The following DOCK2 variants were observed in gnomAD, a reference collection of about 807,000 sequenced individuals.
DOCK2 encodes the protein dedicator of cytokinesis protein 2.
In DOCK2, 87 loss-of-function variants were observed where a neutral mutation model predicts 248.9. The ratio of observed to expected loss-of-function variants is 0.35; its 90% CI spans 0.29 to 0.42. DOCK2 has a LOEUF of 0.42. Ranked by LOEUF, DOCK2 falls within the 10% of genes least tolerant of loss-of-function variation. DOCK2 has a pLI of 1.00. For missense variants in DOCK2, 1,747 were observed against 2,300.2 expected (o/e 0.76, Z 4.92); for synonymous variants, 805 against 821.6 (o/e 0.98, Z 0.35).
chr5:169,685,134 A>C (rs1220250675), intron 8 of DOCK2, among the ~76,000 whole-genome samples: 1 of 152,204 alleles, frequency 6.6e-6, no homozygotes, highest in African/African-American at 2.4e-5. Flanking sequence ...GCATAATGCG[A>C]GTGCTGACCT....
intron 26 of DOCK2, among the ~76,000 whole-genome samples, chr5:169,811,253 T>C (rs1368205305): frequency 1.3e-5 from 2 of 152,158 alleles, no homozygotes; most frequent in Non-Finnish European, 2.9e-5. Flanking sequence ...CTGTGGCCAC[T>C]CTGAGCTCTG....
chr5:170,050,455 GC>G, intron 41 of DOCK2, 58 bp downstream of exon 41: 1 of 1,554,528 alleles, frequency 6.4e-7, no homozygotes, highest in Admixed American at 2.1e-5. Flanking sequence ...TGCCAGGGCT[GC>G]AGCCCACAAA....
chr5:169,670,971 T>G, intron 4 of DOCK2, 107 bp from the exon 5 acceptor site: 1 of 841,768 alleles, frequency 1.2e-6, no homozygotes, highest in South Asian at 1.6e-5. Flanking sequence ...TAGTCTAATG[T>G]CAGGAAGGCC....
chr5:169,961,483 T>A (rs184530073), intron 27 of DOCK2, among the ~76,000 whole-genome samples: 1 of 152,334 alleles, frequency 6.6e-6, no homozygotes, highest in East Asian at 1.9e-4. Context: ...GTGTTCATTT[T>A]AAAACTATTG....
At chr5:169,683,583 C>T (rs551410863) in intron 7 of DOCK2, among the ~76,000 whole-genome samples, 7 of 152,292 alleles carry the variant, frequency 4.6e-5, no homozygotes, top group South Asian at 4.1e-4. Context: ...TCTACATCCT[C>T]GTCAACACTT....
At chr5:169,965,022 A>C (rs1581479660) in intron 27 of DOCK2, among the ~76,000 whole-genome samples, 1 of 152,220 alleles carries the variant, frequency 6.6e-6, no homozygotes, top group East Asian at 1.9e-4. Context: ...CTTTTGAATC[A>C]ATTCATTCAA....
intron 29 of DOCK2, among the ~76,000 whole-genome samples, chr5:169,991,401 A>T (rs1778202033): frequency 6.6e-6 from 1 of 152,174 alleles, no homozygotes; most frequent in South Asian, 2.1e-4. Flanking sequence ...CAGCTGACTT[A>T]TCTGTTCCCT....
intron 6 of DOCK2, among the ~76,000 whole-genome samples, chr5:169,678,245 G>A (rs1223632983): frequency 2.0e-5 from 3 of 151,834 alleles, no homozygotes; most frequent in Non-Finnish European, 4.4e-5. Context: ...TTTTCTCAAG[G>A]TTACATCTTC....
intron 36 of DOCK2, among the ~76,000 whole-genome samples, chr5:170,040,322 C>A (rs1366833004): frequency 6.6e-6 from 1 of 152,200 alleles, no homozygotes; most frequent in Non-Finnish European, 1.5e-5. Context: ...TGTTCTCATC[C>A]TCAGTACCCT....
At chr5:169,919,753 TG>T (rs768871409) in intron 27 of DOCK2, among the ~76,000 whole-genome samples, 20 of 152,168 alleles carry the variant, frequency 1.3e-4, no homozygotes, top group Non-Finnish European at 2.5e-4. Flanking sequence ...CCTGCTAATG[TG>T]GGGGCAACTG....
At chr5:169,797,491 C>T (rs760729658) in intron 25 of DOCK2, among the ~76,000 whole-genome samples, 1 of 152,192 alleles carries the variant, frequency 6.6e-6, no homozygotes, top group African/African-American at 2.4e-5. Context: ...TAGCACTGAC[C>T]GCCACATGAC....
intron 27 of DOCK2, among the ~76,000 whole-genome samples, chr5:169,923,029 A>T (rs186318522): frequency 1.7e-4 from 26 of 152,348 alleles, no homozygotes; most frequent in African/African-American, 6.3e-4. Flanking sequence ...TATTTCACAG[A>T]TGTGGAAACT....
chr5:169,733,932 C>T (rs1762909878), intron 22 of DOCK2, among the ~76,000 whole-genome samples: 1 of 152,054 alleles, frequency 6.6e-6, no homozygotes, highest in South Asian at 2.1e-4. Context: ...TATTTAATAC[C>T]AATTCCAAAA....
intron 41 of DOCK2, among the ~76,000 whole-genome samples, chr5:170,050,743 G>A (rs550199519): frequency 6.6e-6 from 1 of 152,160 alleles, no homozygotes; most frequent in East Asian, 1.9e-4. Flanking sequence ...CATCTCCCAC[G>A]GTGCCTGGTA....
chr5:169,848,043 A>G lies in DOCK2; in HGVS notation c.2799+7191A>G, dbSNP rs148270661. 3.0e-3 allele frequency among the ~76,000 whole-genome samples: 459 copies of G among 152,342 alleles called. 3 individuals are homozygous for G. Among genetic ancestry groups the G allele is most frequent in the African/African-American group, 0.011 (445 of 41,576 alleles). On this transcript the variant is annotated intron_variant, in intron 27 of 51. Transcript: ENST00000520908. ...GCCTTTCCTGGGGAACAATTTCCTC[A>G]GGCTACATGCCGTATTTTATCAAAT...
intron 38 of DOCK2, among the ~76,000 whole-genome samples, 190 bp downstream of exon 38, chr5:170,042,322 C>T (rs1403885421): frequency 6.6e-6 from 1 of 152,198 alleles, no homozygotes; most frequent in African/African-American, 2.4e-5. Context: ...CATTGCTCAC[C>T]TGGACACTGC....
chr5:169,957,410 C>G (rs1776914530), intron 27 of DOCK2, among the ~76,000 whole-genome samples: 1 of 152,180 alleles, frequency 6.6e-6, no homozygotes, highest in Non-Finnish European at 1.5e-5. Context: ...AGGCACTCAA[C>G]CAATGTTAGC....
chr5:170,049,261 TG>T (rs1756827414), intron 40 of DOCK2, among the ~76,000 whole-genome samples: 1 of 152,176 alleles, frequency 6.6e-6, no homozygotes, highest in South Asian at 2.1e-4. Context: ...ACTACAGGCA[TG>T]TGCCACCACG....
chr5:169,724,256 TC>T (rs1329083461), intron 22 of DOCK2, among the ~76,000 whole-genome samples: 2 of 152,042 alleles, frequency 1.3e-5, no homozygotes, highest in African/African-American at 4.8e-5. Context: ...CATGGTAACA[TC>T]CCTAAGTGCA....
Sources: allele counts gnomAD v4.1 joint callset (sites outside exome capture counted in the v4.1 genomes callset), GRCh38; gene constraint gnomAD v4.1.1; transcripts MANE v1.5; gene names NCBI Gene and HGNC (gene_info 2026-07-23, HGNC 2026-07-21).